Variants in PDLIM5 observed in about 807,000 individuals in gnomAD.
The protein encoded by PDLIM5 is PDZ and LIM domain protein 5.
A neutral mutation model predicts 64.2 loss-of-function variants in PDLIM5; 34 were observed. That is an observed-to-expected ratio of 0.53 (90% CI 0.40 to 0.71). The LOEUF is 0.71. Ranked by LOEUF, PDLIM5 falls within the 30% of genes least tolerant of loss-of-function variation. The probability of loss-of-function intolerance (pLI) is 0.00; values close to 1 mark genes in which losing one functional copy is unlikely to be tolerated. For missense variants in PDLIM5, 683 were observed against 733.6 expected (o/e 0.93, Z 0.80); for synonymous variants, 253 against 269.1 (o/e 0.94, Z 0.59).
At chr4:94,663,881 T>TG in intron 12 of PDLIM5, 97 bp from the exon 13 acceptor site, 1 of 1,279,404 alleles carries the variant, frequency 7.8e-7, no homozygotes, top group Non-Finnish European at 1.1e-6. Flanking sequence ...TATTATCCAT[T>TG]GGGGGGAAAA....
Position 94,664,730 on chromosome 4 carries a change from C to T in PDLIM5, c.*663C>T, listed in dbSNP as rs1469874563. The stretch of plus-strand genomic sequence containing the variant: ...ACTAAAAATACAAAAATTAGCCGGA[C>T]GCAGTGGCACGCGCCTGTAATCCCA... On this transcript the variant is annotated 3_prime_UTR_variant, in exon 13 of 13. Transcript: ENST00000317968. The T allele has an allele frequency of 5.8e-6, 1 of 172,660 alleles. No homozygotes were observed. Among genetic ancestry groups the T allele is most frequent in the Non-Finnish European group, 1.2e-5 (1 of 86,892 alleles). 10.7% of individuals were successfully genotyped at this position (172,660 alleles called of 1,614,324 possible).
At chr4:94,455,719 G>A in intron 2 of PDLIM5, 1 of 1,420,556 alleles carries the variant, frequency 7.0e-7, no homozygotes, top group Non-Finnish European at 9.6e-7. Context: ...CAAAGGTTGT[G>A]CTATGGGATT....
chr4:94,606,443 G>T (rs1737926932), intron 7 of PDLIM5, among the ~76,000 whole-genome samples: 1 of 152,088 alleles, frequency 6.6e-6, no homozygotes, highest in Non-Finnish European at 1.5e-5. Flanking sequence ...GTGGTAGAAC[G>T]AGGGCTGAGG....
At chr4:94,572,261 C>T (rs1379578024) in intron 3 of PDLIM5, among the ~76,000 whole-genome samples, 1 of 152,156 alleles carries the variant, frequency 6.6e-6, no homozygotes, top group Non-Finnish European at 1.5e-5. Context: ...TGAGTGGAAT[C>T]AAATTGCTAC....
rs1254513820 is a variant in PDLIM5 at position 94,504,707 on chromosome 4, GA to G, written c.97-19016del. On this transcript the variant is annotated intron_variant, in intron 2 of 12. Coordinates refer to ENST00000317968, the MANE Select transcript of PDLIM5 (RefSeq NM_006457.5). ...ATACATAATCTGTTTCTCATTTTCA[GA>G]TTCATGTCTTCTGTTCAGTACTCAG... Among the ~76,000 whole-genome samples, 18 of 152,158 alleles carry G rather than the reference GA, an allele frequency of 1.2e-4. 1 individual carries two copies. Among genetic ancestry groups the G allele is most frequent in the Admixed American group, 1.2e-3 (18 of 15,262 alleles).
chr4:94,525,080 A>G (rs746970976), intron 3 of PDLIM5, among the ~76,000 whole-genome samples: 2 of 152,148 alleles, frequency 1.3e-5, no homozygotes, highest in Non-Finnish European at 2.9e-5. Flanking sequence ...ATTGCATATA[A>G]TTATCTTAGT....
At chr4:94,526,012 A>G (rs1396463907) in intron 3 of PDLIM5, among the ~76,000 whole-genome samples, 2 of 152,228 alleles carry the variant, frequency 1.3e-5, no homozygotes, top group Non-Finnish European at 2.9e-5. Flanking sequence ...TCAAGAGGTC[A>G]AGAAGCTTAA....
In PDLIM5 at chr4:94,456,820, T is replaced by C. The variant is rs1723414755; in HGVS notation, c.96+1436T>C. On this transcript the variant is annotated intron_variant, in intron 2 of 12. Transcript: ENST00000317968. ...TTTGTGCCAGTCTTACCAACAAACT[T>C]GGATATTTATCAAGTGCTGTGAATG... is the stretch of plus-strand genomic sequence containing the variant. 35 of 1,148,274 alleles carry C rather than the reference T, an allele frequency of 3.0e-5. No homozygotes were observed. The South Asian group carries it at 3.3e-4, about 11-fold the overall frequency. 71.1% of individuals were successfully genotyped at this position (1,148,274 alleles called of 1,614,324 possible).
intron 2 of PDLIM5, chr4:94,456,051 A>G: frequency 7.8e-7 from 1 of 1,282,448 alleles, no homozygotes; most frequent in Non-Finnish European, 1.0e-6. Flanking sequence ...GCTTCTATTT[A>G]TTGAGACTTG....
intron 3 of PDLIM5, among the ~76,000 whole-genome samples, chr4:94,561,561 G>C (rs1733852289): frequency 6.6e-6 from 1 of 152,098 alleles, no homozygotes; most frequent in Non-Finnish European, 1.5e-5. Context: ...TCTATGCACT[G>C]GTTGTTATCC....
At chr4:94,551,399 A>G (rs993880852) in intron 3 of PDLIM5, among the ~76,000 whole-genome samples, 3 of 152,136 alleles carry the variant, frequency 2.0e-5, no homozygotes, top group African/African-American at 4.8e-5. Context: ...ACCTTAATAA[A>G]TTTATAAGTT....
At chr4:94,625,695 T>C (rs1053211713) in intron 8 of PDLIM5, among the ~76,000 whole-genome samples, 2 of 152,084 alleles carry the variant, frequency 1.3e-5, no homozygotes, top group South Asian at 2.1e-4. Context: ...CCTTGTGATC[T>C]GCCCGCCTCG....
At chr4:94,614,786 T>A (rs891767738) in intron 7 of PDLIM5, among the ~76,000 whole-genome samples, 1 of 152,172 alleles carries the variant, frequency 6.6e-6, no homozygotes, top group Non-Finnish European at 1.5e-5. Flanking sequence ...AATCAAAAAT[T>A]GAAATTTCTT....
chr4:94,654,721 A>C (rs1333062156), intron 10 of PDLIM5, 81 bp downstream of exon 10: 4 of 899,052 alleles, frequency 4.4e-6, no homozygotes, highest in Admixed American at 4.5e-5. Flanking sequence ...TATCACTTTA[A>C]CTTTTTATTT....
intron 7 of PDLIM5, among the ~76,000 whole-genome samples, chr4:94,595,285 T>C (rs1736982951): frequency 6.6e-6 from 1 of 152,330 alleles, no homozygotes; most frequent in Non-Finnish European, 1.5e-5. Context: ...AGGTATGATA[T>C]GGCTTCCCAA....
intron 7 of PDLIM5, among the ~76,000 whole-genome samples, chr4:94,603,817 C>T (rs1578454364): frequency 6.6e-6 from 1 of 152,114 alleles, no homozygotes; most frequent in African/African-American, 2.4e-5. Context: ...ACTGCCTGGC[C>T]CTCAAGTTTC....
intron 2 of PDLIM5, among the ~76,000 whole-genome samples, chr4:94,490,695 C>T (rs1016652146): frequency 6.6e-6 from 1 of 152,092 alleles, no homozygotes; most frequent in African/African-American, 2.4e-5. Context: ...TAGGATTAAA[C>T]AAAAATTGTT....
intron 2 of PDLIM5, among the ~76,000 whole-genome samples, chr4:94,516,669 C>T (rs1388941588): frequency 6.6e-6 from 1 of 151,826 alleles, no homozygotes; most frequent in East Asian, 1.9e-4. Context: ...GACCACAGGT[C>T]CCAGATGGCA....
At chr4:94,529,458 A>AT (rs1730665344) in intron 3 of PDLIM5, among the ~76,000 whole-genome samples, 1 of 152,122 alleles carries the variant, frequency 6.6e-6, no homozygotes, top group Non-Finnish European at 1.5e-5. Context: ...ATATCCACTA[A>AT]TTTTTAAGAA....
Sources: gnomAD v4.1 joint callset for allele counts (sites outside exome capture counted in the v4.1 genomes callset) on GRCh38, gnomAD v4.1.1 for gene constraint, MANE v1.5 for transcripts, NCBI Gene and HGNC (gene_info 2026-07-23, HGNC 2026-07-21) for gene names.